The following HAO2 variants were observed in gnomAD, a reference collection of about 807,000 sequenced individuals.
HAO2 encodes the protein 2-Hydroxyacid oxidase 2.
In HAO2, 42 loss-of-function variants were observed where a neutral mutation model predicts 37.4. The ratio of observed to expected loss-of-function variants is 1.12; its 90% CI spans 0.88 to 1.45. The LOEUF (loss-of-function observed/expected upper bound fraction) is 1.45, where lower values mean the gene tolerates loss of function less well. HAO2 is among the 40% of genes most tolerant of loss of function. HAO2 has a pLI of 0.00. For missense variants in HAO2, 476 were observed against 430.2 expected (o/e 1.11, Z -0.94); for synonymous variants, 180 against 162.8 (o/e 1.11, Z -0.81).
intron 5 of HAO2, among the ~76,000 whole-genome samples, chr1:119,389,632 ATTT>A (rs111554074): frequency 0.015 from 2,013 of 138,446 alleles, 35 homozygotes; most frequent in African/African-American, 0.047. Context: ...TTTTGATGAG[ATTT>A]TTTTTTTTTT....
chr1:119,387,704 T>G (rs1021022848), intron 5 of HAO2, among the ~76,000 whole-genome samples: 2 of 152,218 alleles, frequency 1.3e-5, no homozygotes, highest in Non-Finnish European at 2.9e-5. Flanking sequence ...TGTTTCAGTA[T>G]ATATGCTCCT....
At chr1:119,373,435 A>G (rs904957995) in intron 1 of HAO2, among the ~76,000 whole-genome samples, 1 of 152,172 alleles carries the variant, frequency 6.6e-6, no homozygotes, top group Non-Finnish European at 1.5e-5. Context: ...GAGTTCATTT[A>G]TTAGCTGTGC....
intron 1 of HAO2, among the ~76,000 whole-genome samples, chr1:119,378,101 G>A (rs1161429410): frequency 6.6e-6 from 1 of 152,090 alleles, no homozygotes; most frequent in East Asian, 1.9e-4. Flanking sequence ...CTTAAATATA[G>A]CAAGCAATTT....
intron 3 of HAO2, 75 bp from the exon 4 acceptor site, chr1:119,384,699 TAC>T: frequency 8.3e-7 from 1 of 1,203,818 alleles, no homozygotes; most frequent in Non-Finnish European, 1.2e-6. Flanking sequence ...GGCCAGAGGC[TAC>T]ACAGACTCCC....
intron 1 of HAO2, among the ~76,000 whole-genome samples, chr1:119,370,770 C>A (rs908626390): frequency 6.6e-6 from 1 of 152,192 alleles, no homozygotes; most frequent in Admixed American, 6.5e-5. Flanking sequence ...GGGTAGTTGC[C>A]GTAGACAGAG....
intron 4 of HAO2, among the ~76,000 whole-genome samples, chr1:119,386,294 G>T (rs1044505562): frequency 6.6e-6 from 1 of 152,122 alleles, no homozygotes; most frequent in South Asian, 2.1e-4. Context: ...ACTCACTGCA[G>T]TCTAGACCTC....
rs1190300822 is a variant in HAO2, at chr1:119,372,454, T to A, written c.-9+3552T>A. On this transcript the variant is annotated intron_variant, in intron 1 of 7. Coordinates refer to ENST00000325945, the MANE Select transcript of HAO2 (RefSeq NM_016527.4). Reference sequence around the variant, plus strand: ...CTACATAGCACAATTATTTTTGGTTTGCAAATGAAAAAGGAAATGAGATGG... The same window carrying A: ...CTACATAGCACAATTATTTTTGGTTAGCAAATGAAAAAGGAAATGAGATGG... 2.6e-5 allele frequency among the ~76,000 whole-genome samples: 4 copies of A among 152,290 alleles called. No homozygotes were observed. The East Asian group carries it at 7.7e-4, about 29-fold the overall frequency.
chr1:119,378,840 A>G (rs1233983574), intron 1 of HAO2, among the ~76,000 whole-genome samples: 7 of 152,212 alleles, frequency 4.6e-5, no homozygotes, highest in African/African-American at 1.4e-4. Context: ...ATTCTCATCC[A>G]ATAATGAAGA....
chr1:119,392,687 G>T lies in HAO2; in HGVS notation c.1000G>T (p.Gly334Cys). The change falls in exon 7 of 8, where the codon GGC becomes TGC. Residue 334 changes from glycine to cysteine, a missense_variant and splice_region_variant. By Grantham distance (159) the Gly-to-Cys change is radical (BLOSUM62 -3). Transcript: ENST00000325945. Reference protein sequence around the residue: ...NEFHTSMALTGCRSVAEINRN... With the variant: ...NEFHTSMALTCCRSVAEINRN... ...GTTCCACACTTCCATGGCCCTTACAGGTAAGTTAACATGTTTTCCCTGATT... is the reference window on the plus strand; with the variant it reads ...GTTCCACACTTCCATGGCCCTTACATGTAAGTTAACATGTTTTCCCTGATT... The T allele has an allele frequency of 6.3e-7, 1 of 1,580,090 alleles. No homozygotes were observed.
intron 1 of HAO2, among the ~76,000 whole-genome samples, chr1:119,374,173 T>TG (rs1272660220): frequency 1.3e-5 from 2 of 152,214 alleles, no homozygotes; most frequent in Non-Finnish European, 2.9e-5. Flanking sequence ...TTCCCCATGC[T>TG]GGGGGCTCAT....
chr1:119,372,265 G>A (rs894031698), intron 1 of HAO2, among the ~76,000 whole-genome samples: 9 of 152,324 alleles, frequency 5.9e-5, no homozygotes, highest in African/African-American at 2.2e-4. Context: ...ATATGCAACT[G>A]ATGAAGAAAA....
intron 1 of HAO2, among the ~76,000 whole-genome samples, chr1:119,372,387 G>T (rs998145362): frequency 2.6e-5 from 4 of 152,120 alleles, no homozygotes; most frequent in African/African-American, 9.7e-5. Context: ...GGTCTAATGC[G>T]ACTTCAAAAT....
chr1:119,392,164 C>A lies in HAO2; in HGVS notation c.826C>A (p.Leu276Met). 1 of 1,613,232 alleles carries A rather than the reference C, an allele frequency of 6.2e-7. No individual in the cohort carries two copies. Among genetic ancestry groups the A allele is most frequent in the Non-Finnish European group, 8.5e-7 (1 of 1,179,372 alleles). The change falls in exon 6 of 8, where the codon CTG (leucine) becomes ATG (methionine). Residue 276 changes from leucine (L) to methionine (M), a missense_variant. Physicochemically the swap from Leu to Met is conservative, Grantham distance 15 (BLOSUM62 2). Coordinates refer to ENST00000325945, the MANE Select transcript of HAO2 (RefSeq NM_016527.4). ...AAVKGKIEVY[L>M]DGGVRTGNDV... is the part of the protein sequence containing the mutation. The stretch of plus-strand genomic sequence containing the variant: ...TGTAAAGGGGAAAATTGAAGTCTAC[C>A]TGGATGGCGGGGTCCGAACTGGCAA...
chr1:119,386,273 G>A (rs1650370768), intron 4 of HAO2, among the ~76,000 whole-genome samples: 1 of 152,134 alleles, frequency 6.6e-6, no homozygotes, highest in Non-Finnish European at 1.5e-5. Flanking sequence ...GTATGTGGTG[G>A]CGCCATCACT....
chr1:119,382,915 A>T lies in HAO2; in HGVS notation c.132A>T (p.Arg44Ser), dbSNP rs769989010. 1 of 1,613,302 alleles carries T rather than the reference A, an allele frequency of 6.2e-7. No individual in the cohort carries two copies. Among genetic ancestry groups the T allele is most frequent in the South Asian group, 1.1e-5 (1 of 90,964 alleles). The change falls in exon 3 of 8, where the codon AGA (arginine) becomes AGT (serine). Residue 44 changes from arginine to serine, a missense_variant and splice_region_variant. By Grantham distance (110) the Arg-to-Ser change is moderately radical. Transcript: ENST00000325945. Reference sequence around the variant, plus strand: ...AAGATCTCTTTGTTGTCCGGCACAGAATTCGCCTCCGTCCGCGGTACCTGA... The same window carrying T: ...AAGATCTCTTTGTTGTCCGGCACAGTATTCGCCTCCGTCCGCGGTACCTGA... The part of the protein sequence containing the change: ...TRDDNIAAFK[R>S]IRLRPRYLRD...
Position 119,379,152 on chromosome 1 carries a change from TGA to T in HAO2, c.-8-1925_-8-1924del, listed in dbSNP as rs1191606370. Among the ~76,000 whole-genome samples the T allele has an allele frequency of 1.7e-4, 26 of 152,232 alleles. No individual in the cohort carries two copies. In the South Asian group the frequency reaches 4.0e-3, roughly 23 times the overall value. ...AGTTAATTCCCCCAGCAACAAGATG[TGA>T]TGACACATGTAAAATGTTACCTACC... On this transcript the variant is annotated intron_variant, in intron 1 of 7. Transcript: ENST00000325945.
chr1:119,377,883 A>G (rs587630211), intron 1 of HAO2, among the ~76,000 whole-genome samples: 2 of 152,342 alleles, frequency 1.3e-5, no homozygotes, highest in East Asian at 1.9e-4. Flanking sequence ...CCTGGCCAAC[A>G]TGGTGAAACC....
rs1402470639 is a variant in HAO2, at chr1:119,384,898, C to T, written c.406C>T (p.Gln136Ter). 1.2e-6 allele frequency: 2 copies of T among 1,613,816 alleles called. No individual in the cohort carries two copies. Among genetic ancestry groups the T allele is most frequent in the Non-Finnish European group, 1.7e-6 (2 of 1,179,816 alleles). ...WFQLYVHPDL[Q>*]LNKQLIQRVE... ...CCAACTCTATGTGCATCCAGACCTGCAGCTGAACAAACAGTTGATCCAGAG... is the reference window on the plus strand; with the variant it reads ...CCAACTCTATGTGCATCCAGACCTGTAGCTGAACAAACAGTTGATCCAGAG... The change falls in exon 4 of 8, where the codon CAG (glutamine) becomes TAG (stop). Residue 136 changes from glutamine (Q) to a stop codon, truncating the protein, a stop_gained. Transcript: ENST00000325945. LOFTEE classifies it high-confidence loss of function.
chr1:119,392,193 T>G lies in HAO2; in HGVS notation c.855T>G (p.Asp285Glu), dbSNP rs748238666. Residue 285 changes from aspartate (D) to glutamate (E), a missense_variant, in exon 6 of 8, where the codon GAT (aspartate) becomes GAG (glutamate). Asp to Glu is a conservative substitution (Grantham distance 45, BLOSUM62 2). Transcript: ENST00000325945. ...YLDGGVRTGN[D>E]VLKALALGAK... is the part of the protein sequence containing the mutation. ...ATGGCGGGGTCCGAACTGGCAATGA[T>G]GTGCTGAAGGCTCTGGCCCTTGGAG... The G allele has an allele frequency of 6.2e-7, 1 of 1,613,260 alleles. No individual in the cohort carries two copies. Among genetic ancestry groups the G allele is most frequent in the African/African-American group, 1.3e-5 (1 of 74,904 alleles).
Sources: allele counts gnomAD v4.1 joint callset (sites outside exome capture counted in the v4.1 genomes callset), GRCh38; gene constraint gnomAD v4.1.1; transcripts MANE v1.5; gene names NCBI Gene and HGNC (gene_info 2026-07-23, HGNC 2026-07-21).